SLC20A2: variants seen among roughly 807,000 people sequenced by gnomAD.
SLC20A2 encodes solute carrier family 20 member 2.
A neutral mutation model predicts 61.0 loss-of-function variants in SLC20A2; 30 were observed. The ratio of observed to expected loss-of-function variants is 0.49; its 90% CI spans 0.37 to 0.67. The LOEUF is 0.67. Among genes scored for constraint, SLC20A2 ranks in the 30% least tolerant of loss-of-function variants. SLC20A2 has a pLI of 0.00. For synonymous variants in SLC20A2, 351 were observed against 353.3 expected (o/e 0.99, Z 0.07); for missense variants, 626 against 866.4 (o/e 0.72, Z 3.48).
intron 5 of SLC20A2, among the ~76,000 whole-genome samples, chr8:42,450,837 T>C (rs1296572320): frequency 1.3e-5 from 2 of 152,198 alleles, no homozygotes; most frequent in Admixed American, 1.3e-4. Flanking sequence ...ACCAACTTTT[T>C]CAAACCAGGG....
intron 6 of SLC20A2, among the ~76,000 whole-genome samples, chr8:42,442,916 C>G (rs1804886596): frequency 6.6e-6 from 1 of 151,892 alleles, no homozygotes; most frequent in Admixed American, 6.6e-5. Flanking sequence ...ATGCTGAGAC[C>G]AAATGTAAAT....
At chr8:42,489,713 G>A (rs1206487634) in intron 1 of SLC20A2, among the ~76,000 whole-genome samples, 1 of 152,178 alleles carries the variant, frequency 6.6e-6, no homozygotes, top group Non-Finnish European at 1.5e-5. Context: ...GGGATCACTT[G>A]TGGGACAGCA....
chr8:42,476,293 C>T (rs573651792), intron 1 of SLC20A2, among the ~76,000 whole-genome samples: 56 of 151,688 alleles, frequency 3.7e-4, no homozygotes, highest in Non-Finnish European at 6.9e-4. Context: ...TTAGTAGAGA[C>T]GGGGTTTCAC....
chr8:42,484,772 T>A (rs1318345720), intron 1 of SLC20A2: 6 of 338,464 alleles, frequency 1.8e-5, no homozygotes, highest in Non-Finnish European at 3.5e-5. Flanking sequence ...GCCAGGCAGC[T>A]AAAGGCTGCT....
intron 10 of SLC20A2, among the ~76,000 whole-genome samples, chr8:42,424,147 C>A (rs1563437251): frequency 6.6e-6 from 1 of 152,194 alleles, no homozygotes; most frequent in African/African-American, 2.4e-5. Context: ...AAAGAGCACA[C>A]ACATGAGCAA....
In SLC20A2 at chr8:42,444,741, A is replaced by G. The variant is rs762865281; in HGVS notation, c.635T>C (p.Met212Thr). ...AAAGGAAATGAGGGCTATGGCCCAC[A>G]TGGGGAGAACAAGGCCGAGCACTGG... Reference protein sequence around the residue: ...GAPVLGLVLPMWAIALISFGV... With the variant: ...GAPVLGLVLPTWAIALISFGV... Residue 212 changes from methionine to threonine, a missense_variant, in exon 6 of 11, where the codon ATG becomes ACG. Physicochemically the swap from Met to Thr is moderately conservative, Grantham distance 81. Transcript: ENST00000520262. 4 of 1,613,908 alleles carry G rather than the reference A, an allele frequency of 2.5e-6. No individual in the cohort carries two copies. The highest frequency in any genetic ancestry group is 2.5e-6 in the Non-Finnish European group (3 of 1,179,816).
At position 42,444,766 on chromosome 8, in the gene SLC20A2, G is replaced by A. The variant is rs757805383; in HGVS notation, c.614-4C>T. The A allele has an allele frequency of 3.2e-5, 52 of 1,610,542 alleles. No individual in the cohort carries two copies. The highest frequency in any genetic ancestry group is 4.2e-5 in the Non-Finnish European group (50 of 1,177,144). The stretch of plus-strand genomic sequence containing the variant: ...ATGGGGAGAACAAGGCCGAGCACTG[G>A]GAAGGAAAATGAGAAGCAGTGTCAT... On this transcript the variant is annotated splice_region_variant and splice_polypyrimidine_tract_variant and intron_variant, in intron 5 of 10. Transcript: ENST00000520262.
intron 1 of SLC20A2, chr8:42,534,636 A>C (rs1203166147): frequency 2.0e-5 from 3 of 152,258 alleles, no homozygotes; most frequent in Admixed American, 2.0e-4. Flanking sequence ...AACTGAAAAA[A>C]TATGGTAATC....
In SLC20A2 at chr8:42,430,225, G is replaced by A. The variant is rs1384986747; in HGVS notation, c.1548C>T (p.Ala516=). The part of the protein sequence containing the change: ...DVSNAIGPLV[A]LWLIYKQGGV... Reference sequence around the variant, plus strand: ...CGCCTTGTTTGTAAATCAGCCACAAGGCTACCAGGGGACCGATGGCATTAC... The same window carrying A: ...CGCCTTGTTTGTAAATCAGCCACAAAGCTACCAGGGGACCGATGGCATTAC... Residue 516 remains alanine (A), a synonymous_variant, in exon 9 of 11, where the codon GCC becomes GCT. Coordinates refer to ENST00000520262, the MANE Select transcript of SLC20A2 (RefSeq NM_001257180.2). 2 of 1,612,772 alleles carry A rather than the reference G, an allele frequency of 1.2e-6. No homozygotes were observed. The highest frequency in any genetic ancestry group is 1.7e-6 in the Non-Finnish European group (2 of 1,179,658).
At chr8:42,447,521 CA>C (rs59184749) in intron 5 of SLC20A2, among the ~76,000 whole-genome samples, 5,351 of 151,640 alleles carry the variant, frequency 0.035, 308 homozygotes, top group African/African-American at 0.12. Context: ...ACTAAAAATA[CA>C]AAAAAATTAG....
intron 1 of SLC20A2, among the ~76,000 whole-genome samples, chr8:42,490,706 T>C (rs1809444474): frequency 6.6e-6 from 1 of 152,140 alleles, no homozygotes; most frequent in African/African-American, 2.4e-5. Flanking sequence ...ACCAAACAAA[T>C]GTAAACAAAA....
chr8:42,468,103 C>T (rs1019577431), intron 2 of SLC20A2, among the ~76,000 whole-genome samples: 22 of 151,888 alleles, frequency 1.4e-4, no homozygotes, highest in Admixed American at 1.1e-3. Context: ...GGGGTTTCAC[C>T]GCGTCAGCCA....
intron 1 of SLC20A2, among the ~76,000 whole-genome samples, chr8:42,528,576 T>C (rs1410028884): frequency 2.0e-5 from 3 of 152,350 alleles, no homozygotes; most frequent in African/African-American, 7.2e-5. Flanking sequence ...GCACAGGATT[T>C]AATCAGACTT....
At chr8:42,432,286 C>T (rs992629712) in intron 8 of SLC20A2, among the ~76,000 whole-genome samples, 1 of 152,180 alleles carries the variant, frequency 6.6e-6, no homozygotes, top group African/African-American at 2.4e-5. Flanking sequence ...ATGAAGGAAG[C>T]CACTGCAGAT....
chr8:42,499,940 G>C (rs1810212630), intron 1 of SLC20A2, among the ~76,000 whole-genome samples: 1 of 152,204 alleles, frequency 6.6e-6, no homozygotes, highest in African/African-American at 2.4e-5. Context: ...CTACTAAATG[G>C]AACACTGAAG....
rs535213026 is a variant in SLC20A2 at position 42,493,126 on chromosome 8, C to T, written c.-265+7905G>A. ...GCTTAGGAGAGACTCTCTCAATGAC[C>T]ATCAAAAGTACTTATTCTCATGTGG... On this transcript the variant is annotated intron_variant, in intron 1 of 10. Coordinates refer to ENST00000520262, the MANE Select transcript of SLC20A2 (RefSeq NM_001257180.2). Among the ~76,000 whole-genome samples, 5 of 152,294 alleles carry T rather than the reference C, an allele frequency of 3.3e-5. No homozygotes were observed. In the South Asian group the frequency reaches 1.0e-3, roughly 32 times the overall value.
chr8:42,463,579 G>A (rs1054863546), intron 3 of SLC20A2, among the ~76,000 whole-genome samples: 2 of 152,134 alleles, frequency 1.3e-5, no homozygotes, highest in African/African-American at 2.4e-5. Context: ...AGTAGTTCCC[G>A]CCTCTGGGTG....
At chr8:42,529,268 C>T (rs538946179) in intron 1 of SLC20A2, among the ~76,000 whole-genome samples, 77 of 151,688 alleles carry the variant, frequency 5.1e-4, no homozygotes, top group African/African-American at 1.6e-3. Context: ...CTCACCTGGC[C>T]CATTTCCTCA....
intron 10 of SLC20A2, among the ~76,000 whole-genome samples, chr8:42,419,005 T>C (rs1802864477): frequency 1.0e-5 from 1 of 98,384 alleles, no homozygotes; most frequent in Non-Finnish European, 2.0e-5. Flanking sequence ...AGAGACTCTG[T>C]CTCAAAAAAA....
Sources: allele counts gnomAD v4.1 joint callset (sites outside exome capture counted in the v4.1 genomes callset), GRCh38; gene constraint gnomAD v4.1.1; transcripts MANE v1.5; gene names NCBI Gene and HGNC (gene_info 2026-07-23, HGNC 2026-07-21).